Variants in HUWE1 observed in about 807,000 individuals in gnomAD.
The protein encoded by HUWE1 is HECT, UBA and WWE domain containing E3 ubiquitin protein ligase 1, also known as E3 ubiquitin-protein ligase HUWE1.
HUWE1 carries 18 observed loss-of-function variants against 299.4 expected under a neutral mutation model. The ratio of observed to expected loss-of-function variants is 0.06; its 90% CI spans 0.04 to 0.09. The LOEUF is 0.09. Ranked by LOEUF, HUWE1 falls within the 10% of genes least tolerant of loss-of-function variation. HUWE1 has a pLI of 1.00. For missense variants in HUWE1, 1,832 were observed against 3,462.3 expected (o/e 0.53, Z 11.82); for synonymous variants, 1,317 against 1,286.1 (o/e 1.02, Z -0.51).
At chrX:53,679,474 G>A (rs999181194) in intron 3 of HUWE1, among the ~76,000 whole-genome samples, 1 of 111,705 alleles carries the variant, frequency 9.0e-6, no homozygotes, top group Non-Finnish European at 1.9e-5. Context: ...ATAATCCATT[G>A]AGGGGGGCAG....
intron 3 of HUWE1, among the ~76,000 whole-genome samples, chrX:53,657,921 C>T (rs1040876341): frequency 4.7e-5 from 5 of 106,985 alleles, no homozygotes; most frequent in Non-Finnish European, 7.7e-5. Flanking sequence ...TGGTGGCGGG[C>T]GCCTGTAGTC....
chrX:53,663,470 A>G (rs998584334), intron 3 of HUWE1, among the ~76,000 whole-genome samples: 1 of 110,524 alleles, frequency 9.0e-6, no homozygotes, highest in Non-Finnish European at 1.9e-5. Context: ...CCGAGATTGC[A>G]CCATTGCACT....
chrX:53,628,947 G>C (rs1557020343), intron 13 of HUWE1, 45 bp from the exon 14 acceptor site: 2 of 1,100,642 alleles, frequency 1.8e-6, no homozygotes, highest in Admixed American at 4.6e-5. Flanking sequence ...AATATAATAA[G>C]ATGACTGAAC....
At chrX:53,540,492 C>G (rs1455001299) in intron 74 of HUWE1, among the ~76,000 whole-genome samples, 10 of 111,684 alleles carry the variant, frequency 9.0e-5, no homozygotes, top group Admixed American at 8.5e-4. Context: ...CCATGCCCGG[C>G]TGATTTTTGT....
Position 53,544,927 on chromosome X carries a change from G to A in HUWE1, c.11048+102C>T, listed in dbSNP as rs940805616. ...GGTCAAGTGTGTATAGGAAAGATACGAAAATCACCCAGAGAAATAAAAAAG... is the reference window on the plus strand; with the variant it reads ...GGTCAAGTGTGTATAGGAAAGATACAAAAATCACCCAGAGAAATAAAAAAG... On this transcript the variant is annotated intron_variant, in intron 71 of 83. Transcript: ENST00000262854. The A allele has an allele frequency of 6.0e-5, 62 of 1,024,915 alleles. No individual in the cohort carries two copies. The African/African-American group carries it at 8.1e-4, about 13-fold the overall frequency. The allele number at this position is 1,024,915 out of a possible 1,213,427, so 84.5% of individuals were successfully genotyped here.
intron 38 of HUWE1, 36 bp downstream of exon 38, chrX:53,586,746 T>C (rs374826114): frequency 2.6e-5 from 32 of 1,207,718 alleles, no homozygotes; most frequent in Admixed American, 2.4e-4. Flanking sequence ...CCCAGGGAAA[T>C]AGAAACGAAA....
Position 53,575,236 on chromosome X carries a change from A to G in HUWE1, c.6031-15T>C. The G allele has an allele frequency of 1.7e-6, 2 of 1,166,922 alleles. No homozygotes were observed. Among genetic ancestry groups the G allele is most frequent in the Non-Finnish European group, 2.3e-6 (2 of 856,846 alleles). Reference sequence around the variant, plus strand: ...AAGACCTGACTCTGAAGAAGAAGAAAACTCCTGAGCTATTATGAATTTCAA... The same window carrying G: ...AAGACCTGACTCTGAAGAAGAAGAAGACTCCTGAGCTATTATGAATTTCAA... On this transcript the variant is annotated splice_polypyrimidine_tract_variant and intron_variant, in intron 45 of 83. Transcript: ENST00000262854.
At chrX:53,577,670 C>T (rs1473947108) in intron 43 of HUWE1, among the ~76,000 whole-genome samples, 12 of 111,543 alleles carry the variant, frequency 1.1e-4, no homozygotes, top group African/African-American at 2.9e-4. Flanking sequence ...AGGCGCGCGC[C>T]GCCACGCCTG....
intron 7 of HUWE1, among the ~76,000 whole-genome samples, chrX:53,635,500 G>A (rs2067150286): frequency 9.0e-6 from 1 of 110,849 alleles, no homozygotes; most frequent in South Asian, 3.8e-4. Flanking sequence ...TTTTAAAAAT[G>A]TTTGTAGGAG....
Position 53,551,251 on chromosome X carries a change from T to A in HUWE1, c.9096+15A>T. The A allele has an allele frequency of 8.3e-7, 1 of 1,210,114 alleles. No individual in the cohort carries two copies. Among genetic ancestry groups the A allele is most frequent in the South Asian group, 1.8e-5 (1 of 56,753 alleles). Reference sequence around the variant, plus strand: ...TGCCAGGCAGCCTGGCCCCACCACCTTCCCGCTCACATACTTCCTCCTGAA... The same window carrying A: ...TGCCAGGCAGCCTGGCCCCACCACCATCCCGCTCACATACTTCCTCCTGAA... On this transcript the variant is annotated intron_variant, in intron 64 of 83. Coordinates refer to ENST00000262854, the MANE Select transcript of HUWE1 (RefSeq NM_031407.7).
At chrX:53,597,333 GAA>G (rs78456710) in intron 29 of HUWE1, among the ~76,000 whole-genome samples, 8 of 90,688 alleles carry the variant, frequency 8.8e-5, no homozygotes, top group African/African-American at 2.0e-4. Context: ...TACTTTGAAG[GAA>G]AAAAAAAAAA....
intron 3 of HUWE1, among the ~76,000 whole-genome samples, chrX:53,663,062 G>C (rs1569513517): frequency 8.9e-6 from 1 of 112,668 alleles, no homozygotes. Flanking sequence ...GTGATCAACT[G>C]CATCAAATGT....
Position 53,645,399 on chromosome X carries a change from T to C in HUWE1, c.416A>G (p.Tyr139Cys). 1 of 1,208,930 alleles carries C rather than the reference T, an allele frequency of 8.3e-7. No individual in the cohort carries two copies. The highest frequency in any genetic ancestry group is 1.1e-6 in the Non-Finnish European group (1 of 893,882). The change falls in exon 7 of 84, where the codon TAT becomes TGT. Residue 139 changes from tyrosine (Y) to cysteine (C), a missense_variant. Physicochemically the swap from Tyr to Cys is radical, Grantham distance 194 (BLOSUM62 -2). Transcript: ENST00000262854. ...GTAGTTTGATCTTTTGCTAAATACA[T>C]ATAGGAGATTGAGGACTGCCAGCAC... ...QVVLAVLNLLYVFSKRSNYIT... is the reference protein window; with the variant it reads ...QVVLAVLNLLCVFSKRSNYIT...
chrX:53,659,539 GGGGA>G (rs1468386036), intron 3 of HUWE1, among the ~76,000 whole-genome samples: 3 of 111,951 alleles, frequency 2.7e-5, no homozygotes, highest in African/African-American at 9.8e-5. Flanking sequence ...GAGGGTTAGT[GGGGA>G]GGGAAGAATG....
At chrX:53,569,565 G>T in intron 48 of HUWE1, 51 bp downstream of exon 48, 1 of 1,118,277 alleles carries the variant, frequency 8.9e-7, no homozygotes, top group Non-Finnish European at 1.2e-6. Flanking sequence ...CTAAGAAGAA[G>T]AATAAGGGGA....
chrX:53,576,842 C>T, intron 44 of HUWE1, 58 bp downstream of exon 44: 3 of 1,171,147 alleles, frequency 2.6e-6, no homozygotes. Flanking sequence ...CTGAAATGAC[C>T]CAGGCAAAGT....
Position 53,629,528 on chromosome X carries a change from A to G in HUWE1, c.951T>C (p.Asp317=). Residue 317 remains aspartate, a synonymous_variant, in exon 13 of 84, where the codon GAT becomes GAC. Transcript: ENST00000262854. The part of the protein sequence containing the change: ...EELVDVLQIT[D]KQLMEIKAAS... ...GTAAAATACTTACCATAAGCTGCTT[A>G]TCCGTTATCTGAAGGACATCTACCA... The G allele has an allele frequency of 8.5e-7, 1 of 1,176,223 alleles. No homozygotes were observed. Among genetic ancestry groups the G allele is most frequent in the Non-Finnish European group, 1.2e-6 (1 of 863,389 alleles).
intron 60 of HUWE1, among the ~76,000 whole-genome samples, chrX:53,555,288 A>G (rs192289933): frequency 1.8e-5 from 2 of 112,068 alleles, no homozygotes; most frequent in East Asian, 5.6e-4. Flanking sequence ...CTCCCACTTC[A>G]TCTATTTGGA....
chrX:53,683,642 C>T (rs1467896801), intron 2 of HUWE1, among the ~76,000 whole-genome samples: 1 of 111,943 alleles, frequency 8.9e-6, no homozygotes, highest in Non-Finnish European at 1.9e-5. Context: ...ATGGTGTCGC[C>T]TCAACGGACA....
Sources: gnomAD v4.1 joint callset for allele counts (sites outside exome capture counted in the v4.1 genomes callset) on GRCh38, gnomAD v4.1.1 for gene constraint, MANE v1.5 for transcripts, NCBI Gene and HGNC (gene_info 2026-07-23, HGNC 2026-07-21) for gene names.